L3MBTL4: variants seen among roughly 807,000 people sequenced by gnomAD.
L3MBTL4 encodes L3MBTL histone methyl-lysine binding protein 4.
Under a neutral mutation model 84.5 loss-of-function variants are expected in L3MBTL4, and 70 were observed. The ratio of observed to expected loss-of-function variants is 0.83; its 90% CI spans 0.68 to 1.01. The LOEUF is 1.01. Among genes scored for constraint, L3MBTL4 ranks in the 50% least tolerant of loss-of-function variants. The probability of loss-of-function intolerance (pLI) is 0.00; values close to 1 mark genes in which losing one functional copy is unlikely to be tolerated. For missense variants in L3MBTL4, 715 were observed against 754.8 expected (o/e 0.95, Z 0.62); for synonymous variants, 274 against 259.8 (o/e 1.05, Z -0.52).
chr18:6,084,332 C>T (rs1276448629), intron 15 of L3MBTL4, among the ~76,000 whole-genome samples: 2 of 152,118 alleles, frequency 1.3e-5, no homozygotes, highest in Non-Finnish European at 2.9e-5. Flanking sequence ...GTAGTTGTAG[C>T]AGAGACCTTT....
chr18:5,992,405 G>A (rs959875791), intron 16 of L3MBTL4, among the ~76,000 whole-genome samples: 6 of 152,156 alleles, frequency 3.9e-5, no homozygotes, highest in East Asian at 1.9e-4. Context: ...CCCATTATGC[G>A]GGGACAGTGT....
At chr18:6,324,393 G>T (rs1246023567) in intron 1 of L3MBTL4, among the ~76,000 whole-genome samples, 1 of 152,196 alleles carries the variant, frequency 6.6e-6, no homozygotes, top group Non-Finnish European at 1.5e-5. Flanking sequence ...CTTGCACGAT[G>T]CTCCTGGAAA....
chr18:6,054,169 G>A (rs763891215), intron 16 of L3MBTL4, among the ~76,000 whole-genome samples: 9 of 152,200 alleles, frequency 5.9e-5, no homozygotes, highest in African/African-American at 9.6e-5. Flanking sequence ...CTTAGTATGC[G>A]AAACTGATGG....
intron 1 of L3MBTL4, among the ~76,000 whole-genome samples, chr18:6,404,493 T>C (rs377364460): frequency 1.8e-4 from 28 of 152,296 alleles, no homozygotes; most frequent in Non-Finnish European, 2.9e-4. Flanking sequence ...CAATTTCTTA[T>C]TTTTAGTCCG....
At chr18:6,176,878 T>C (rs756555796) in intron 12 of L3MBTL4, among the ~76,000 whole-genome samples, 7 of 152,102 alleles carry the variant, frequency 4.6e-5, no homozygotes, top group Non-Finnish European at 7.4e-5. Flanking sequence ...GAATGATCAA[T>C]AAACAAACTT....
chr18:6,078,426 C>CAAAA (rs1200685986), intron 16 of L3MBTL4, among the ~76,000 whole-genome samples: 13 of 34,874 alleles, frequency 3.7e-4, no homozygotes, highest in East Asian at 1.1e-3. Context: ...GAGTCCACCT[C>CAAAA]AAAAAAAAAA....
intron 1 of L3MBTL4, among the ~76,000 whole-genome samples, chr18:6,348,256 G>A (rs890352392): frequency 6.6e-6 from 1 of 151,762 alleles, no homozygotes; most frequent in South Asian, 2.1e-4. Context: ...AAGTATAGAG[G>A]GATTTTTAAA....
intron 1 of L3MBTL4, among the ~76,000 whole-genome samples, chr18:6,342,907 T>C (rs1458299967): frequency 6.6e-6 from 1 of 151,726 alleles, no homozygotes; most frequent in Non-Finnish European, 1.5e-5. Context: ...TCCATGCAAA[T>C]AGTAACCGAA....
chr18:6,103,937 G>A (rs1158189158), intron 14 of L3MBTL4, among the ~76,000 whole-genome samples: 1 of 152,216 alleles, frequency 6.6e-6, no homozygotes, highest in Non-Finnish European at 1.5e-5. Flanking sequence ...AACACTAACA[G>A]CTACAAGAAG....
At chr18:6,293,987 G>A (rs61157154) in intron 4 of L3MBTL4, among the ~76,000 whole-genome samples, 1 of 152,048 alleles carries the variant, frequency 6.6e-6, no homozygotes, top group Non-Finnish European at 1.5e-5. Flanking sequence ...GGAGTAACTG[G>A]TGAAACTTGA....
At chr18:6,284,480 G>T (rs2049469203) in intron 4 of L3MBTL4, among the ~76,000 whole-genome samples, 1 of 152,176 alleles carries the variant, frequency 6.6e-6, no homozygotes, top group Non-Finnish European at 1.5e-5. Context: ...GAAAGGGCCC[G>T]CAGCTCAGCT....
Position 6,030,963 on chromosome 18 carries a change from C to A in L3MBTL4, c.1444+49918G>T, listed in dbSNP as rs1386137321. On this transcript the variant is annotated intron_variant, in intron 16 of 18. Coordinates refer to ENST00000317931, the MANE Select transcript of L3MBTL4 (RefSeq NM_001330559.2). ...TGTTATGAAATACTCAATGAACGAA[C>A]AAACAAATTAATTCTACAATTTCAT... 7.1e-6 allele frequency: 7 copies of A among 984,682 alleles called. No individual in the cohort carries two copies. The East Asian group carries it at 5.7e-4, about 80-fold the overall frequency. 61.0% of individuals were successfully genotyped at this position (984,682 alleles called of 1,614,324 possible).
At chr18:6,376,549 G>A (rs1334024120) in intron 1 of L3MBTL4, among the ~76,000 whole-genome samples, 2 of 152,012 alleles carry the variant, frequency 1.3e-5, no homozygotes, top group Non-Finnish European at 2.9e-5. Context: ...GACCAGCCTG[G>A]GCTGGGGAGA....
intron 14 of L3MBTL4, among the ~76,000 whole-genome samples, chr18:6,136,478 T>C (rs982955917): frequency 6.6e-6 from 1 of 152,146 alleles, no homozygotes; most frequent in African/African-American, 2.4e-5. Context: ...GCATGAAAGA[T>C]GGAAAATTGA....
rs74351782 is a variant in L3MBTL4 at position 6,046,896 on chromosome 18, C to T, written c.1444+33985G>A. ...AAAACTAGCAGAAGAAAAGAATTGACTAAAATCAGAGCAGAACTGAACAAA... is the reference window on the plus strand; with the variant it reads ...AAAACTAGCAGAAGAAAAGAATTGATTAAAATCAGAGCAGAACTGAACAAA... On this transcript the variant is annotated intron_variant, in intron 16 of 18. Transcript: ENST00000317931. 1,882 of 565,254 alleles carry T rather than the reference C, an allele frequency of 3.3e-3. 28 individuals carry two copies. The highest frequency in any genetic ancestry group is 0.033 in the African/African-American group (1,697 of 52,044). The allele number at this position is 565,254 out of a possible 1,614,324, so 35.0% of individuals were successfully genotyped here.
At chr18:6,242,302 G>A (rs1638955436) in intron 7 of L3MBTL4, among the ~76,000 whole-genome samples, 1 of 152,166 alleles carries the variant, frequency 6.6e-6, no homozygotes, top group Non-Finnish European at 1.5e-5. Flanking sequence ...TGCTTCCTCT[G>A]TCATTTCACC....
At chr18:6,173,371 A>G (rs56954848) in intron 12 of L3MBTL4, among the ~76,000 whole-genome samples, 5,517 of 152,270 alleles carry the variant, frequency 0.036, 350 homozygotes, top group African/African-American at 0.12. Context: ...GCACACAGAG[A>G]AGAAACATAA....
At chr18:6,218,867 A>C (rs2046432614) in intron 10 of L3MBTL4, among the ~76,000 whole-genome samples, 1 of 152,174 alleles carries the variant, frequency 6.6e-6, no homozygotes, top group Admixed American at 6.5e-5. Context: ...GGGAGGGGCC[A>C]GGTCCATGCA....
At chr18:5,969,631 A>G in intron 16 of L3MBTL4, 69 bp from the exon 17 acceptor site, 6 of 1,494,284 alleles carry the variant, frequency 4.0e-6, no homozygotes, top group African/African-American at 1.4e-5. Context: ...TCAGCCCCGC[A>G]GTCCGGAGGG....
Sources: allele counts gnomAD v4.1 joint callset (sites outside exome capture counted in the v4.1 genomes callset), GRCh38; gene constraint gnomAD v4.1.1; transcripts MANE v1.5; gene names NCBI Gene and HGNC (gene_info 2026-07-23, HGNC 2026-07-21).